Variants in SUGCT observed in about 807,000 individuals in gnomAD.
SUGCT encodes the protein succinyl-CoA:glutarate-CoA transferase, also known as succinyl-CoA:glutarate CoA-transferase.
Under a neutral mutation model 55.0 loss-of-function variants are expected in SUGCT, and 41 were observed. The observed-to-expected ratio is 0.74, with a 90% CI of 0.58 to 0.97. The LOEUF (loss-of-function observed/expected upper bound fraction) is 0.97. Among genes scored for constraint, SUGCT ranks in the 50% least tolerant of loss-of-function variants. The pLI, the probability that SUGCT is intolerant of heterozygous loss-of-function variation, is 0.00. For synonymous variants in SUGCT, 187 were observed against 200.4 expected, an observed-to-expected ratio of 0.93 and a Z score of 0.56; for missense variants, 568 against 547.8, an observed-to-expected ratio of 1.04 and a Z score of -0.37.
intron 7 of SUGCT, among the ~76,000 whole-genome samples, chr7:40,243,544 C>T (rs1789606811): frequency 6.6e-6 from 1 of 151,988 alleles, no homozygotes; most frequent in African/African-American, 2.4e-5. Flanking sequence ...TTGGAAAACT[C>T]ATGAGTTGGA....
intron 12 of SUGCT, among the ~76,000 whole-genome samples, chr7:40,648,384 T>C (rs560518893): frequency 6.6e-6 from 1 of 152,360 alleles, no homozygotes; most frequent in African/African-American, 2.4e-5. Context: ...GCATGCTATT[T>C]GGCCTGTTTC....
the SUGCT span, among the ~76,000 whole-genome samples, chr7:41,030,405 C>A: frequency 6.6e-6 from 1 of 151,922 alleles, no homozygotes; most frequent in African/African-American, 2.4e-5. Flanking sequence ...TTCATTTAAC[C>A]CTTCTGATTT....
At chr7:40,594,314 T>C (rs1159494719) in intron 12 of SUGCT, among the ~76,000 whole-genome samples, 1 of 146,630 alleles carries the variant, frequency 6.8e-6, no homozygotes, top group Non-Finnish European at 1.5e-5. Context: ...ACCCTAAAAC[T>C]TAAAGTATAA....
At chr7:40,624,760 C>T (rs1266974564) in intron 12 of SUGCT, among the ~76,000 whole-genome samples, 1 of 140,574 alleles carries the variant, frequency 7.1e-6, no homozygotes, top group African/African-American at 2.8e-5. Flanking sequence ...CTCTGTAAAA[C>T]GTTTCTGTGC....
the SUGCT span, among the ~76,000 whole-genome samples, chr7:40,975,659 T>C: frequency 3.3e-5 from 5 of 152,194 alleles, no homozygotes; most frequent in Admixed American, 2.0e-4. Context: ...GGGAAGAGTA[T>C]GCCTTTGCCT....
At chr7:40,620,543 C>T (rs1033941009) in intron 12 of SUGCT, among the ~76,000 whole-genome samples, 29 of 151,990 alleles carry the variant, frequency 1.9e-4, no homozygotes, top group African/African-American at 6.8e-4. Flanking sequence ...GCTGGGATTA[C>T]AGGCACCTGC....
chr7:40,940,510 G>C, the SUGCT span, among the ~76,000 whole-genome samples: 2 of 152,132 alleles, frequency 1.3e-5, no homozygotes, highest in Admixed American at 1.3e-4. Context: ...TCCATACCGT[G>C]AGCATGGGAT....
chr7:40,663,308 C>A (rs1266469210), intron 12 of SUGCT, among the ~76,000 whole-genome samples: 1 of 150,108 alleles, frequency 6.7e-6, no homozygotes, highest in Non-Finnish European at 1.5e-5. Context: ...AAAAAAAAAT[C>A]TGGAAAGTCT....
chr7:40,978,761 TC>T, the SUGCT span, among the ~76,000 whole-genome samples: 2 of 152,076 alleles, frequency 1.3e-5, no homozygotes, highest in South Asian at 4.1e-4. Context: ...ACTGACATGT[TC>T]CAGGAACCAA....
At chr7:40,580,192 T>C (rs1468253320) in intron 12 of SUGCT, among the ~76,000 whole-genome samples, 1 of 152,164 alleles carries the variant, frequency 6.6e-6, no homozygotes, top group Non-Finnish European at 1.5e-5. Context: ...TTTTTCAACA[T>C]ACAATACACA....
intron 8 of SUGCT, among the ~76,000 whole-genome samples, chr7:40,278,268 A>G (rs1432655341): frequency 6.6e-6 from 1 of 152,204 alleles, no homozygotes; most frequent in Non-Finnish European, 1.5e-5. Context: ...TTAAAAAGTC[A>G]GGAAACAACA....
At chr7:40,400,956 C>T (rs943323413) in intron 9 of SUGCT, among the ~76,000 whole-genome samples, 1 of 152,142 alleles carries the variant, frequency 6.6e-6, no homozygotes, top group African/African-American at 2.4e-5. Flanking sequence ...TCCGTATAAT[C>T]ATCAGGAAGG....
In SUGCT at chr7:40,573,705, T is replaced by C. The variant is rs1170982587; in HGVS notation, c.1089+77319T>C. Among the ~76,000 whole-genome samples the C allele has an allele frequency of 2.6e-5, 4 of 152,318 alleles. No homozygotes were observed. In the South Asian group the frequency reaches 8.3e-4, roughly 32 times the overall value. On this transcript the variant is annotated intron_variant, in intron 12 of 13. Coordinates refer to ENST00000335693, the MANE Select transcript of SUGCT (RefSeq NM_001193313.2). Reference sequence around the variant, plus strand: ...TCCTACGGTTTTGAGAAATGGCAGATGCCTTAATGATCTGCTAAGCCAACT... The same window carrying C: ...TCCTACGGTTTTGAGAAATGGCAGACGCCTTAATGATCTGCTAAGCCAACT...
At chr7:40,813,605 T>G (rs1320097676) in intron 13 of SUGCT, among the ~76,000 whole-genome samples, 3 of 152,212 alleles carry the variant, frequency 2.0e-5, no homozygotes, top group Non-Finnish European at 4.4e-5. Context: ...CCTATGGGTG[T>G]GTAAGATAGC....
At chr7:40,814,250 CAAGAT>C (rs1263492937) in intron 13 of SUGCT, among the ~76,000 whole-genome samples, 3 of 152,104 alleles carry the variant, frequency 2.0e-5, no homozygotes, top group Non-Finnish European at 4.4e-5. Flanking sequence ...ACCTCTCTAG[CAAGAT>C]AAGGGAAATT....
At chr7:41,001,969 C>A in the SUGCT span, among the ~76,000 whole-genome samples, 1 of 152,190 alleles carries the variant, frequency 6.6e-6, no homozygotes, top group Admixed American at 6.5e-5. Context: ...GACAAGAGTG[C>A]ATGAGAGCTG....
intron 1 of SUGCT, chr7:40,153,056 A>G (rs933338199): frequency 4.9e-5 from 9 of 184,598 alleles, no homozygotes; most frequent in Non-Finnish European, 7.8e-5. Context: ...AAAGCTCAAA[A>G]AGATAATTCA....
chr7:41,029,492 C>A, the SUGCT span, among the ~76,000 whole-genome samples: 7 of 152,144 alleles, frequency 4.6e-5, no homozygotes, highest in Non-Finnish European at 1.0e-4. Context: ...CTCCTACACC[C>A]TGTAAAGCCC....
chr7:40,914,113 G>A, the SUGCT span, among the ~76,000 whole-genome samples: 15 of 147,886 alleles, frequency 1.0e-4, no homozygotes, highest in South Asian at 4.3e-4. Flanking sequence ...CCACTTCTAC[G>A]TATCTAATTT....
Sources: allele counts gnomAD v4.1 joint callset (sites outside exome capture counted in the v4.1 genomes callset), GRCh38; gene constraint gnomAD v4.1.1; transcripts MANE v1.5; gene names NCBI Gene and HGNC (gene_info 2026-07-23, HGNC 2026-07-21).